Variants in MZT2A observed in about 807,000 individuals in gnomAD.
The protein encoded by MZT2A is mitotic spindle organizing protein 2A, also known as mitotic-spindle organizing protein 2A.
A neutral mutation model predicts 12.4 loss-of-function variants in MZT2A; 8 were observed. The observed-to-expected ratio is 0.64, with a 90% CI of 0.38 to 1.16. MZT2A has a LOEUF of 1.16. MZT2A is among the 50% of genes most tolerant of loss of function. The pLI is 0.01. For missense variants in MZT2A, 181 were observed against 223.6 expected (o/e 0.81, Z 1.22); for synonymous variants, 88 against 107.5 (o/e 0.82, Z 1.12).
At chr2:131,488,429 GTGCCTGC>G (rs1679142122) in intron 2 of MZT2A, among the ~76,000 whole-genome samples, 1 of 152,272 alleles carries the variant, frequency 6.6e-6, no homozygotes, top group South Asian at 2.1e-4. Flanking sequence ...AGGACCCAGG[GTGCCTGC>G]TGCAGCTCAC....
At chr2:131,490,874 G>C (rs754875486) in intron 2 of MZT2A, 1 of 1,550,050 alleles carries the variant, frequency 6.5e-7, no homozygotes, top group Non-Finnish European at 8.7e-7. Flanking sequence ...ACTGTTCCTG[G>C]CAGAGAGAAA....
At chr2:131,477,267 C>T (rs956766014) in intron 2 of MZT2A, among the ~76,000 whole-genome samples, 7 of 151,712 alleles carry the variant, frequency 4.6e-5, no homozygotes, top group African/African-American at 1.7e-4. Context: ...CAAACTGGTC[C>T]CAAGTGATCC....
In MZT2A at chr2:131,484,216, T is replaced by C; in HGVS notation, c.322A>G (p.Arg108Gly). 1 of 1,613,262 alleles carries C rather than the reference T, an allele frequency of 6.2e-7. No homozygotes were observed. Among genetic ancestry groups the C allele is most frequent in the Non-Finnish European group, 8.5e-7 (1 of 1,179,426 alleles). Residue 108 changes from arginine (R) to glycine (G), a missense_variant and splice_region_variant, in exon 3 of 3, where the codon AGA becomes GGA. This residue lies in a region of MZT2A where 72 missense variants were observed against 76.9 expected (regional missense o/e 0.94). Coordinates refer to ENST00000309451, the MANE Select transcript of MZT2A (RefSeq NM_001085365.2). ...CCGAGGGCAGCGCTGCCTTTGTCTCTCCCTAAGGAGACACAAAGCACAATG... is the reference window on the plus strand; with the variant it reads ...CCGAGGGCAGCGCTGCCTTTGTCTCCCCCTAAGGAGACACAAAGCACAATG... ...PTSSVPETRG[R>G]DKGSAALGGV...
At chr2:131,482,296 A>G (rs1678889667), downstream of MZT2A, among the ~76,000 whole-genome samples, 1 of 152,172 alleles carries the variant, frequency 6.6e-6, no homozygotes, top group Admixed American at 6.5e-5. Context: ...CACCTATCAC[A>G]TGTCACAGGT....
upstream of MZT2A, chr2:131,492,597 G>A: frequency 8.4e-7 from 1 of 1,186,648 alleles, no homozygotes; most frequent in Non-Finnish European, 1.0e-6. Flanking sequence ...GAGTGGCATG[G>A]CGGACTGCAG....
intron 2 of MZT2A, among the ~76,000 whole-genome samples, chr2:131,474,633 C>T (rs1378389542): frequency 6.7e-6 from 1 of 149,868 alleles, no homozygotes; most frequent in Non-Finnish European, 1.5e-5. Context: ...TGGTCTTGAA[C>T]TCCTGACCTC....
At chr2:131,478,137 G>C in intron 2 of MZT2A, 1 of 1,599,890 alleles carries the variant, frequency 6.3e-7, no homozygotes, top group Non-Finnish European at 8.6e-7. Context: ...GAAATGAATG[G>C]GTTCACTTTT....
chr2:131,492,934 G>C (rs1284355184), upstream of MZT2A: 5 of 1,524,468 alleles, frequency 3.3e-6, no homozygotes, highest in Non-Finnish European at 4.4e-6. Context: ...CCGCACTCCT[G>C]CCTCGCCATT....
chr2:131,470,477 A>T (rs1460521344), intron 3 of MZT2A: 1 of 346,626 alleles, frequency 2.9e-6, no homozygotes, highest in Non-Finnish European at 5.7e-6. Context: ...AGATGGGAGA[A>T]ATCCCCTGCT....
chr2:131,478,552 T>C (rs987961918), intron 2 of MZT2A, among the ~76,000 whole-genome samples: 5 of 152,246 alleles, frequency 3.3e-5, no homozygotes, highest in African/African-American at 1.2e-4. Flanking sequence ...TCAAAGTGTC[T>C]GTGAGACTCG....
At chr2:131,483,929 TAAAAA>T (rs59953699), downstream of MZT2A, 7 of 1,300,888 alleles carry the variant, frequency 5.4e-6, no homozygotes, top group Non-Finnish European at 6.0e-6. Flanking sequence ...TGCCTTAATA[TAAAAA>T]AAAAAAAAAA....
chr2:131,486,368 T>C (rs7598498), intron 2 of MZT2A: 24,123 of 161,822 alleles, frequency 0.15, 3,567 homozygotes, highest in African/African-American at 0.4. Context: ...ACAGTCCCTC[T>C]GCAGGCCAGG....
chr2:131,481,855 C>T (rs1292462695), downstream of MZT2A, among the ~76,000 whole-genome samples: 1 of 152,244 alleles, frequency 6.6e-6, no homozygotes, highest in Non-Finnish European at 1.5e-5. Flanking sequence ...CTTGAGCCAC[C>T]ACACCTGGCC....
intron 2 of MZT2A, among the ~76,000 whole-genome samples, chr2:131,473,219 G>C (rs1297880512): frequency 6.6e-6 from 1 of 151,932 alleles, no homozygotes; most frequent in East Asian, 1.9e-4. Context: ...AGGGTGCCTG[G>C]GGCTAATACA....
rs70994777 is a variant in MZT2A, at chr2:131,474,405, C to CTTT, written c.279-2226_279-2224dup. Among the ~76,000 whole-genome samples the CTTT allele has an allele frequency of 4.3e-3, 409 of 94,710 alleles. 1 individual carries two copies. Among genetic ancestry groups the CTTT allele is most frequent in the Non-Finnish European group, 5.9e-3 (293 of 49,860 alleles). The allele number at this position is 94,710 out of a possible 152,430, so 62.1% of individuals were successfully genotyped here. A position where few individuals can be genotyped will look rare whatever the true frequency, so the allele number is the denominator to read the frequency against. ...AGCCACCGCGCCCAGTCTTCTTCTTCTTTTTTTTTTTTTTTTTTTTTTGAG... is the reference window on the plus strand; with the variant it reads ...AGCCACCGCGCCCAGTCTTCTTCTTCTTTTTTTTTTTTTTTTTTTTTTTTTGAG... On this transcript the variant is annotated intron_variant and NMD_transcript_variant, in intron 2 of 4. Coordinates refer to the MZT2A transcript ENST00000427024.
At chr2:131,488,945 C>T (rs529478280) in intron 2 of MZT2A, among the ~76,000 whole-genome samples, 1 of 150,018 alleles carries the variant, frequency 6.7e-6, no homozygotes, top group African/African-American at 2.5e-5. Context: ...TCCTCCTGGC[C>T]CCTCTATGCC....
At chr2:131,480,143 A>G (rs772507974), downstream of MZT2A, 14 of 1,613,612 alleles carry the variant, frequency 8.7e-6, no homozygotes, top group African/African-American at 1.3e-5. Context: ...CTGGGTTCGC[A>G]TCTCTGCTCA....
chr2:131,492,806 A>T, upstream of MZT2A: 3 of 1,418,912 alleles, frequency 2.1e-6, no homozygotes, highest in African/African-American at 1.4e-5. Context: ...GCACTAATCA[A>T]CAACCCTGCT....
At chr2:131,492,656 C>G, upstream of MZT2A, 1 of 1,254,534 alleles carries the variant, frequency 8.0e-7, no homozygotes, top group Admixed American at 3.5e-5. Context: ...TTGCATTGGT[C>G]GTGCTCGCTT....
Sources: gnomAD v4.1 joint callset for allele counts (sites outside exome capture counted in the v4.1 genomes callset) on GRCh38, gnomAD v4.1.1 for gene constraint, gnomAD v4.1.1 regional missense constraint, MANE v1.5 for transcripts, NCBI Gene and HGNC (gene_info 2026-07-23, HGNC 2026-07-21) for gene names.